DNAJC13: variants seen among roughly 807,000 people sequenced by gnomAD.
DNAJC13 encodes the protein dnaJ homolog subfamily C member 13.
A neutral mutation model predicts 290.5 loss-of-function variants in DNAJC13; 75 were observed. That is an observed-to-expected ratio of 0.26 (90% CI 0.21 to 0.31). The LOEUF (loss-of-function observed/expected upper bound fraction) is 0.31. Among genes scored for constraint, DNAJC13 ranks in the 10% least tolerant of loss-of-function variants. The probability of loss-of-function intolerance (pLI) is 1.00; values close to 1 mark genes in which losing one functional copy is unlikely to be tolerated. For synonymous variants in DNAJC13, 862 were observed against 892.0 expected (o/e 0.97, Z 0.60); for missense variants, 2,260 against 2,674.5 (o/e 0.85, Z 3.42).
In DNAJC13 at chr3:132,469,903, A is replaced by G. The variant is rs551293312; in HGVS notation, c.2208+2590A>G. Among the ~76,000 whole-genome samples, 9 of 146,382 alleles carry G rather than the reference A, an allele frequency of 6.1e-5. No individual in the cohort carries two copies. The South Asian group carries it at 2.0e-3, about 32-fold the overall frequency. ...CTTTCTACTTTTTGTTTCTATCACA[A>G]TGAGGATTAGAGTTTTCATATCTGA... On this transcript the variant is annotated intron_variant, in intron 20 of 55. Transcript: ENST00000260818.
At chr3:132,460,124 A>G in intron 13 of DNAJC13, 126 bp from the exon 14 acceptor site, 1 of 521,482 alleles carries the variant, frequency 1.9e-6, no homozygotes, top group Admixed American at 3.8e-5. Context: ...TTTGCCTTAC[A>G]CTTTAAAGGC....
At chr3:132,420,632 T>C (rs1324944114) in intron 1 of DNAJC13, among the ~76,000 whole-genome samples, 1 of 151,596 alleles carries the variant, frequency 6.6e-6, no homozygotes, top group Non-Finnish European at 1.5e-5. Flanking sequence ...AACAAGATTA[T>C]GCAAAGAGGC....
intron 51 of DNAJC13, 74 bp downstream of exon 51, chr3:132,523,787 A>T: frequency 7.0e-7 from 1 of 1,428,300 alleles, no homozygotes; most frequent in Non-Finnish European, 9.5e-7. Context: ...TTACAACCTT[A>T]TTCACAAAGA....
chr3:132,432,995 G>A (rs1228008999), intron 1 of DNAJC13, among the ~76,000 whole-genome samples: 1 of 152,180 alleles, frequency 6.6e-6, no homozygotes, highest in Non-Finnish European at 1.5e-5. Flanking sequence ...TATTCATAAA[G>A]TGGAATACCA....
At chr3:132,437,252 A>G (rs1037966208) in intron 2 of DNAJC13, among the ~76,000 whole-genome samples, 2 of 152,176 alleles carry the variant, frequency 1.3e-5, no homozygotes, top group African/African-American at 4.8e-5. Flanking sequence ...TTCTGAATAA[A>G]AGTTCCGTGT....
intron 1 of DNAJC13, among the ~76,000 whole-genome samples, chr3:132,427,074 TATGTG>T (rs1939109785): frequency 3.5e-5 from 4 of 112,888 alleles, no homozygotes; most frequent in Admixed American, 3.4e-4. Flanking sequence ...TATATATACA[TATGTG>T]TGTGTGTGTG....
rs1576466614 is a variant in DNAJC13 at position 132,450,466 on chromosome 3, ATTCT to A, written c.337-179_337-176del. The stretch of plus-strand genomic sequence containing the variant: ...TGTACTGTCTTCAGTTAGTGTGAAC[ATTCT>A]TAAACACCTCCAAATAGTTAAAATT... On this transcript the variant is annotated intron_variant, in intron 5 of 55. Transcript: ENST00000260818. 3.3e-5 allele frequency among the ~76,000 whole-genome samples: 5 copies of A among 152,314 alleles called. No individual in the cohort carries two copies. In the East Asian group the frequency reaches 5.8e-4, roughly 18 times the overall value.
intron 20 of DNAJC13, among the ~76,000 whole-genome samples, chr3:132,467,647 A>G (rs938209361): frequency 4.6e-5 from 7 of 151,792 alleles, no homozygotes; most frequent in African/African-American, 1.5e-4. Context: ...TTGTATTTTT[A>G]GTAGAGATGG....
intron 25 of DNAJC13, among the ~76,000 whole-genome samples, chr3:132,480,030 T>A (rs1934615936): frequency 6.6e-6 from 1 of 152,202 alleles, no homozygotes; most frequent in Admixed American, 6.5e-5. Flanking sequence ...CAGACTTTAT[T>A]TCTGATATAG....
chr3:132,525,881 C>T (rs1284754545), intron 52 of DNAJC13, 92 bp downstream of exon 52: 2 of 1,402,654 alleles, frequency 1.4e-6, no homozygotes, highest in Non-Finnish European at 1.9e-6. Flanking sequence ...ATATAAATCC[C>T]CTTTCTGCCA....
chr3:132,530,941 G>T, intron 54 of DNAJC13, 57 bp from the exon 55 acceptor site: 2 of 1,500,752 alleles, frequency 1.3e-6, no homozygotes, highest in Admixed American at 1.8e-5. Context: ...TTTTCTTTTT[G>T]TCTTCCAACA....
At chr3:132,507,394 AT>A (rs1397729049) in intron 43 of DNAJC13, 41 bp downstream of exon 43, 1 of 1,152,620 alleles carries the variant, frequency 8.7e-7, no homozygotes, top group Non-Finnish European at 1.3e-6. Context: ...ACCTTTGATC[AT>A]TTGTTACTGA....
chr3:132,494,449 A>G (rs532918988), intron 34 of DNAJC13, among the ~76,000 whole-genome samples, 190 bp downstream of exon 34: 1 of 152,332 alleles, frequency 6.6e-6, no homozygotes, highest in Non-Finnish European at 1.5e-5. Flanking sequence ...GCCAAATTGT[A>G]TCCTCCTCTT....
chr3:132,496,495 A>C (rs747561643), intron 35 of DNAJC13, 33 bp from the exon 36 acceptor site: 9 of 1,527,346 alleles, frequency 5.9e-6, no homozygotes, highest in Non-Finnish European at 7.9e-6. Flanking sequence ...CGACATTCCA[A>C]ATTAACGTTA....
chr3:132,430,211 T>G (rs1400138130), intron 1 of DNAJC13, among the ~76,000 whole-genome samples: 2 of 152,180 alleles, frequency 1.3e-5, no homozygotes, highest in Non-Finnish European at 2.9e-5. Context: ...AAAAGCCTTC[T>G]TGATGTAAAG....
chr3:132,461,392 C>A (rs1209649273), intron 15 of DNAJC13, among the ~76,000 whole-genome samples, 187 bp downstream of exon 15: 1 of 151,500 alleles, frequency 6.6e-6, no homozygotes, highest in Non-Finnish European at 1.5e-5. Flanking sequence ...CTAACAATAT[C>A]TGATGACCTA....
At position 132,522,901 on chromosome 3, in the gene DNAJC13, T is replaced by C; in HGVS notation, c.5747T>C (p.Val1916Ala). Residue 1916 changes from valine (V) to alanine (A), a missense_variant, in exon 49 of 56, where the codon GTA becomes GCA. Physicochemically the swap from Val to Ala is moderately conservative, Grantham distance 64. Transcript: ENST00000260818. ...DAMRDNPEAA[V>A]HIFEGTHENP... Reference sequence around the variant, plus strand: ...ATGAGAGACAATCCTGAAGCTGCTGTACATATTTTTGAAGGAACTCATGAA... The same window carrying C: ...ATGAGAGACAATCCTGAAGCTGCTGCACATATTTTTGAAGGAACTCATGAA... The C allele has an allele frequency of 6.2e-7, 1 of 1,613,654 alleles. No homozygotes were observed. The highest frequency in any genetic ancestry group is 1.3e-5 in the African/African-American group (1 of 75,016).
intron 20 of DNAJC13, among the ~76,000 whole-genome samples, chr3:132,468,165 A>G (rs1199437026): frequency 6.6e-6 from 1 of 152,206 alleles, no homozygotes; most frequent in East Asian, 1.9e-4. Context: ...AACCTGATTC[A>G]GTAATGCATT....
chr3:132,491,285 G>A (rs1935050573), intron 32 of DNAJC13, among the ~76,000 whole-genome samples: 1 of 152,016 alleles, frequency 6.6e-6, no homozygotes, highest in African/African-American at 2.4e-5. Flanking sequence ...TAATGGTAGG[G>A]CCTACCAACT....
Sources: allele counts gnomAD v4.1 joint callset (sites outside exome capture counted in the v4.1 genomes callset), GRCh38; gene constraint gnomAD v4.1.1; transcripts MANE v1.5; gene names NCBI Gene and HGNC (gene_info 2026-07-23, HGNC 2026-07-21).